Variants in ETS2 observed in about 807,000 individuals in gnomAD.
ETS2 encodes protein C-ets-2.
Under a neutral mutation model 54.9 loss-of-function variants are expected in ETS2, and 19 were observed. That is an observed-to-expected ratio of 0.35 (90% confidence interval 0.24 to 0.51). The LOEUF (loss-of-function observed/expected upper bound fraction) is 0.51, where lower values mean the gene tolerates loss of function less well. Ranked by LOEUF, ETS2 falls within the 20% of genes least tolerant of loss-of-function variation. ETS2 has a pLI of 0.97. For missense variants in ETS2, 417 were observed against 593.0 expected, an observed-to-expected ratio of 0.70 and a Z score of 3.08; for synonymous variants, 219 against 229.3, an observed-to-expected ratio of 0.95 and a Z score of 0.41.
At position 38,814,526 on chromosome 21, in the gene ETS2, C is replaced by A; in HGVS notation, c.304+134C>A. ...GTAGCATGGATGTCGTTAACCTGAG[C>A]CAGTTTCTGTTTCACCCCAATCAAC... On this transcript the variant is annotated intron_variant, in intron 4 of 9. Coordinates refer to ENST00000360938, the MANE Select transcript of ETS2 (RefSeq NM_005239.6). This position sits in a 1 kb window ranked among gnomAD's most constrained non-coding sequence, Gnocchi z 4.2. The A allele has an allele frequency of 8.8e-7, 1 of 1,142,540 alleles. No homozygotes were observed. Among genetic ancestry groups the A allele is most frequent in the South Asian group, 1.5e-5 (1 of 65,680 alleles). 70.8% of individuals were successfully genotyped at this position (1,142,540 alleles called of 1,614,324 possible).
chr21:38,805,321 T>C, upstream of ETS2: 2 of 1,286,308 alleles, frequency 1.6e-6, no homozygotes, highest in Non-Finnish European at 2.0e-6. This position sits in a 1 kb window ranked among gnomAD's most constrained non-coding sequence, Gnocchi z 5.2. Context: ...TGATCATTAG[T>C]CCTAAGCCCA....
Position 38,822,703 on chromosome 21 carries a change from T to C in ETS2, c.1224T>C (p.Asn408=), listed in dbSNP as rs1325920576. The C allele has an allele frequency of 6.2e-7, 1 of 1,613,770 alleles. No individual in the cohort carries two copies. The highest frequency in any genetic ancestry group is 8.5e-7 in the Non-Finnish European group (1 of 1,179,944). The change falls in exon 10 of 10, where the codon AAT becomes AAC. Residue 408 remains asparagine (N), a synonymous_variant. Coordinates refer to ENST00000360938, the MANE Select transcript of ETS2 (RefSeq NM_005239.6). ...CCCGCCGGTGGGGAAAGAGGAAAAA[T>C]AAGCCCAAGATGAACTACGAGAAGC... The part of the protein sequence containing the change: ...EVARRWGKRK[N]KPKMNYEKLS...
In ETS2 at chr21:38,806,748, T is replaced by A. The variant is rs1453285439; in HGVS notation, c.-1+628T>A. On this transcript the variant is annotated intron_variant, in intron 1 of 9. Transcript: ENST00000360938. The surrounding 1 kb of genome is among the most constrained non-coding windows in gnomAD (Gnocchi z 4.3). The stretch of plus-strand genomic sequence containing the variant: ...GAGAGCGTGGGGAACCTGTCGGAAA[T>A]GAGATCTGGTTGCGCTGGGCTGCCT... The A allele has an allele frequency of 2.0e-6, 2 of 985,314 alleles. No individual in the cohort carries two copies. Among genetic ancestry groups the A allele is most frequent in the East Asian group, 2.3e-4 (2 of 8,798 alleles). 61.0% of individuals were successfully genotyped at this position (985,314 alleles called of 1,614,324 possible). A position where few individuals can be genotyped will look rare whatever the true frequency, so the allele number is the denominator to read the frequency against.
At chr21:38,813,752 C>A (rs891852409) in intron 3 of ETS2, among the ~76,000 whole-genome samples, 2 of 152,210 alleles carry the variant, frequency 1.3e-5, no homozygotes. Context: ...GTAAGCATAA[C>A]CCTGCATGGC....
In ETS2 at chr21:38,806,093, A is replaced by T; in HGVS notation, c.-28A>T. On this transcript the variant is annotated 5_prime_UTR_variant, in exon 1 of 10. Transcript: ENST00000360938. The surrounding 1 kb of genome is among the most constrained non-coding windows in gnomAD (Gnocchi z 4.3). ...GCGCCGAGCAGCCACCGTCCCGACCAAGCGCCGGCCCTGCCCGCAGCGGCA... is the reference window on the plus strand; with the variant it reads ...GCGCCGAGCAGCCACCGTCCCGACCTAGCGCCGGCCCTGCCCGCAGCGGCA... 3 of 1,089,132 alleles carry T rather than the reference A, an allele frequency of 2.8e-6. No homozygotes were observed. Among genetic ancestry groups the T allele is most frequent in the Non-Finnish European group, 2.2e-6 (2 of 893,644 alleles). 67.5% of individuals were successfully genotyped at this position (1,089,132 alleles called of 1,614,324 possible).
At position 38,811,119 on chromosome 21, in the gene ETS2, C is replaced by T. The variant is rs2060912287; in HGVS notation, c.72+1013C>T. ...TATGCGGTTTCTGAAAAGAAGCAGT[C>T]GTTGCTGAAATTGATGTGTTGAAAT... On this transcript the variant is annotated intron_variant, in intron 2 of 9. Transcript: ENST00000360938. Among the ~76,000 whole-genome samples, 5 of 150,978 alleles carry T rather than the reference C, an allele frequency of 3.3e-5. No homozygotes were observed. In the South Asian group the frequency reaches 8.3e-4, roughly 25 times the overall value.
chr21:38,806,045 C>T lies in ETS2; in HGVS notation c.-76C>T, dbSNP rs767497676. On this transcript the variant is annotated 5_prime_UTR_variant, in exon 1 of 10. Transcript: ENST00000360938. This position sits in a 1 kb window ranked among gnomAD's most constrained non-coding sequence, Gnocchi z 4.3. ...TCTGGCCGGCGCCCTCGCCCTCGCC[C>T]GGCGCGCACCGAGCAGCCGCGGGCG... is the stretch of plus-strand genomic sequence containing the variant. The T allele has an allele frequency of 1.2e-5, 15 of 1,208,908 alleles. No individual in the cohort carries two copies. Among genetic ancestry groups the T allele is most frequent in the Non-Finnish European group, 4.2e-6 (4 of 953,930 alleles). The allele number at this position is 1,208,908 out of a possible 1,614,324, so 74.9% of individuals were successfully genotyped here. A position where few individuals can be genotyped will look rare whatever the true frequency, so the allele number is the denominator to read the frequency against.
At chr21:38,810,440 G>A (rs1409307827) in intron 2 of ETS2, among the ~76,000 whole-genome samples, 1 of 152,200 alleles carries the variant, frequency 6.6e-6, no homozygotes, top group African/African-American at 2.4e-5. Flanking sequence ...CTACCCAGGA[G>A]TTTCCTTGGT....
chr21:38,806,356 G>C lies in ETS2; in HGVS notation c.-1+236G>C. The C allele has an allele frequency of 1.0e-6, 1 of 980,444 alleles. No individual in the cohort carries two copies. Among genetic ancestry groups the C allele is most frequent in the Non-Finnish European group, 1.2e-6 (1 of 825,298 alleles). 60.7% of individuals were successfully genotyped at this position (980,444 alleles called of 1,614,324 possible). On this transcript the variant is annotated intron_variant, in intron 1 of 9. Transcript: ENST00000360938. The surrounding 1 kb of genome is among the most constrained non-coding windows in gnomAD (Gnocchi z 4.3). ...CGGGGCTGGCGGGGTCGGCCGGGGG[G>C]TTCCTGCGTGCTAGGGCCGCTGTCT... is the stretch of plus-strand genomic sequence containing the variant.
chr21:38,819,220 T>C (rs1016375630), intron 7 of ETS2, among the ~76,000 whole-genome samples: 1 of 152,264 alleles, frequency 6.6e-6, no homozygotes, highest in South Asian at 2.1e-4. Flanking sequence ...TGTCTGGGAT[T>C]CATGCATGTT....
At chr21:38,809,365 C>A (rs536209829) in intron 1 of ETS2, among the ~76,000 whole-genome samples, 5 of 152,268 alleles carry the variant, frequency 3.3e-5, no homozygotes, top group African/African-American at 1.2e-4. Context: ...GGAATCAGTT[C>A]CTCTTGAAGA....
rs1447845380 is a variant in ETS2, at chr21:38,816,995, G to C, written c.506-13G>C. On this transcript the variant is annotated splice_polypyrimidine_tract_variant and intron_variant, in intron 5 of 9. Coordinates refer to ENST00000360938, the MANE Select transcript of ETS2 (RefSeq NM_005239.6). ...ACATCTGCCATCTTACGTCTCCTGTGTCTGCTTTTCAGAAAACCAAGAAAA... is the reference window on the plus strand; with the variant it reads ...ACATCTGCCATCTTACGTCTCCTGTCTCTGCTTTTCAGAAAACCAAGAAAA... 1.3e-6 allele frequency: 2 copies of C among 1,545,200 alleles called. No homozygotes were observed. Among genetic ancestry groups the C allele is most frequent in the Non-Finnish European group, 1.8e-6 (2 of 1,117,562 alleles).
rs1346372230 is a variant in ETS2, at chr21:38,821,828, G to A, written c.1194+124G>A. ...TACTGCTGAGAATCTTTCCACGTGA[G>A]GCATCCTTGGCTGTTGGGAAAATGG... On this transcript the variant is annotated intron_variant, in intron 9 of 9. Coordinates refer to ENST00000360938, the MANE Select transcript of ETS2 (RefSeq NM_005239.6). This position sits in a 1 kb window ranked among gnomAD's most constrained non-coding sequence, Gnocchi z 4.2. The A allele has an allele frequency of 1.0e-5, 7 of 697,260 alleles. No homozygotes were observed. The highest frequency in any genetic ancestry group is 7.1e-5 in the African/African-American group (4 of 56,384). 43.2% of individuals were successfully genotyped at this position (697,260 alleles called of 1,614,324 possible). A position where few individuals can be genotyped will look rare whatever the true frequency, so the allele number is the denominator to read the frequency against.
intron 6 of ETS2, among the ~76,000 whole-genome samples, chr21:38,817,484 G>A (rs566732796): frequency 5.9e-5 from 9 of 152,302 alleles, no homozygotes; most frequent in African/African-American, 1.9e-4. Flanking sequence ...TGGCTCACAC[G>A]ATCTTCCATA....
chr21:38,821,545 C>A lies in ETS2; in HGVS notation c.1076-41C>A. 7.3e-7 allele frequency: 1 copy of A among 1,360,728 alleles called. No individual in the cohort carries two copies. Among genetic ancestry groups the A allele is most frequent in the Non-Finnish European group, 1.1e-6 (1 of 949,650 alleles). The allele number at this position is 1,360,728 out of a possible 1,614,324, so 84.3% of individuals were successfully genotyped here. A position where few individuals can be genotyped will look rare whatever the true frequency, so the allele number is the denominator to read the frequency against. The stretch of plus-strand genomic sequence containing the variant: ...GTTAAAGACTTGCTGTATTTTACAT[C>A]TGTGAAAGGGTATGATCCGTCTCCC... On this transcript the variant is annotated intron_variant, in intron 8 of 9. Coordinates refer to ENST00000360938, the MANE Select transcript of ETS2 (RefSeq NM_005239.6). This position sits in a 1 kb window ranked among gnomAD's most constrained non-coding sequence, Gnocchi z 4.2.
In ETS2 at chr21:38,814,444, G is replaced by A; in HGVS notation, c.304+52G>A. On this transcript the variant is annotated intron_variant, in intron 4 of 9. Coordinates refer to ENST00000360938, the MANE Select transcript of ETS2 (RefSeq NM_005239.6). The surrounding 1 kb of genome is among the most constrained non-coding windows in gnomAD (Gnocchi z 4.2). ...CTGGGTGAGAAGAACCAACTTCAGT[G>A]CAGTTGTTTGATCTTGACTTGTTTA... 1 of 1,603,912 alleles carries A rather than the reference G, an allele frequency of 6.2e-7. No homozygotes were observed. Among genetic ancestry groups the A allele is most frequent in the Non-Finnish European group, 8.5e-7 (1 of 1,174,026 alleles).
rs1024574263 is a variant in ETS2 at position 38,821,823 on chromosome 21, C to G, written c.1194+119C>G. The G allele has an allele frequency of 4.8e-5, 34 of 711,916 alleles. No homozygotes were observed. Among genetic ancestry groups the G allele is most frequent in the East Asian group, 1.2e-4 (5 of 40,580 alleles). The allele number at this position is 711,916 out of a possible 1,614,324, so 44.1% of individuals were successfully genotyped here. On this transcript the variant is annotated intron_variant, in intron 9 of 9. Transcript: ENST00000360938. This position sits in a 1 kb window ranked among gnomAD's most constrained non-coding sequence, Gnocchi z 4.2. The stretch of plus-strand genomic sequence containing the variant: ...ACCAGTACTGCTGAGAATCTTTCCA[C>G]GTGAGGCATCCTTGGCTGTTGGGAA...
Position 38,819,689 on chromosome 21 carries a change from A to T in ETS2, c.998A>T (p.Asp333Val). The T allele has an allele frequency of 6.2e-7, 1 of 1,614,108 alleles. No individual in the cohort carries two copies. Among genetic ancestry groups the T allele is most frequent in the Non-Finnish European group, 8.5e-7 (1 of 1,180,002 alleles). The part of the protein sequence containing the change: ...CLNKPTMSFK[D>V]YIQERSDPVE... ...AATAAGCCAACCATGTCTTTCAAGG[A>T]TTACATCCAAGAGAGGAGTGACCCA... The change falls in exon 8 of 10, where the codon GAT (aspartate) becomes GTT (valine). Residue 333 changes from aspartate to valine, a missense_variant. Asp to Val is a radical substitution (Grantham distance 152). Coordinates refer to ENST00000360938, the MANE Select transcript of ETS2 (RefSeq NM_005239.6).
intron 9 of ETS2, among the ~76,000 whole-genome samples, chr21:38,822,431 G>T (rs2060961903): frequency 6.6e-6 from 1 of 152,188 alleles, no homozygotes; most frequent in South Asian, 2.1e-4. Context: ...GTTTCACTGA[G>T]CTGGGGCCAG....
Sources: allele counts gnomAD v4.1 joint callset (sites outside exome capture counted in the v4.1 genomes callset), GRCh38; gene constraint gnomAD v4.1.1; non-coding constraint Gnocchi (gnomAD v3.1); transcripts MANE v1.5; gene names NCBI Gene and HGNC (gene_info 2026-07-23, HGNC 2026-07-21).